Variants in STIMATE observed in about 807,000 individuals in gnomAD.
STIMATE encodes store-operated calcium entry regulator STIMATE.
Under a neutral mutation model 36.7 loss-of-function variants are expected in STIMATE, and 15 were observed. The ratio of observed to expected loss-of-function variants is 0.41; its 90% CI spans 0.27 to 0.63. STIMATE has a LOEUF of 0.63. Among genes scored for constraint, STIMATE ranks in the 20% least tolerant of loss-of-function variants. The probability of loss-of-function intolerance (pLI) is 0.32; values close to 1 mark genes in which losing one functional copy is unlikely to be tolerated. For missense variants in STIMATE, 305 were observed against 397.3 expected (o/e 0.77, Z 1.98); for synonymous variants, 163 against 162.3 (o/e 1.00, Z -0.03).
chr3:52,844,705 G>C (rs7650966), intron 5 of STIMATE, 124 bp downstream of exon 5: 1,073,092 of 1,098,750 alleles, frequency 0.98, 527,967 homozygotes, highest in East Asian at 1. Context: ...CAGACCAAAT[G>C]CAGGACACAT....
At chr3:52,846,404 T>C (rs4687670) in intron 4 of STIMATE, 135,536 of 152,262 alleles carry the variant, frequency 0.89, 62,223 homozygotes, top group Non-Finnish European at 1. Flanking sequence ...AACCATTAAG[T>C]AATTAAGTAG....
At chr3:52,880,926 T>G (rs1042774403) in intron 1 of STIMATE, among the ~76,000 whole-genome samples, 43 of 152,278 alleles carry the variant, frequency 2.8e-4, no homozygotes, top group Non-Finnish European at 2.9e-5. Flanking sequence ...CGGTGGCTCA[T>G]GCCTGTAATC....
In STIMATE at chr3:52,838,822, T is replaced by C. The variant is rs1700749897; in HGVS notation, c.*1672A>G. On this transcript the variant is annotated 3_prime_UTR_variant, in exon 8 of 8. Transcript: ENST00000355083. ...GTTCATGCGCCCAATTCGGACCCAA[T>C]GTGCTTAAGTGAAACACGTGCTCAT... 6.6e-6 allele frequency: 1 copy of C among 152,154 alleles called. No individual in the cohort carries two copies. The highest frequency in any genetic ancestry group is 2.1e-4 in the South Asian group (1 of 4,822). The allele number at this position is 152,154 out of a possible 1,614,324, so 9.4% of individuals were successfully genotyped here. A position where few individuals can be genotyped will look rare whatever the true frequency, so the allele number is the denominator to read the frequency against.
chr3:52,895,098 C>A (rs1701844756), intron 1 of STIMATE, among the ~76,000 whole-genome samples: 1 of 152,238 alleles, frequency 6.6e-6, no homozygotes. Context: ...CAGGACAAAG[C>A]CAAATGGCTC....
At chr3:52,884,149 A>G (rs758550608) in intron 1 of STIMATE, among the ~76,000 whole-genome samples, 3 of 152,106 alleles carry the variant, frequency 2.0e-5, no homozygotes, top group Non-Finnish European at 4.4e-5. Flanking sequence ...ACAAAAATGC[A>G]CTTATATTAT....
At chr3:52,843,636 G>GAGC in intron 6 of STIMATE, 85 bp downstream of exon 6, 1 of 1,585,658 alleles carries the variant, frequency 6.3e-7, no homozygotes, top group South Asian at 1.1e-5. Flanking sequence ...GGCTACAGGT[G>GAGC]AGCTTTCTGT....
intron 1 of STIMATE, among the ~76,000 whole-genome samples, chr3:52,890,966 A>G (rs376727467): frequency 2.0e-5 from 3 of 152,180 alleles, no homozygotes; most frequent in African/African-American, 7.2e-5. Context: ...ATCTTCACAA[A>G]GGCCCAGAAA....
chr3:52,845,072 C>T (rs540904757), intron 4 of STIMATE, 131 bp from the exon 5 acceptor site: 3 of 738,976 alleles, frequency 4.1e-6, no homozygotes, highest in East Asian at 2.9e-5. Flanking sequence ...ATGAGCCCCC[C>T]CAAAAGTCCA....
rs1006237523 is a variant in STIMATE at position 52,839,554 on chromosome 3, G to C, written c.*940C>G. On this transcript the variant is annotated 3_prime_UTR_variant, in exon 8 of 8. Coordinates refer to ENST00000355083, the MANE Select transcript of STIMATE (RefSeq NM_198563.5). The stretch of plus-strand genomic sequence containing the variant: ...TGCCAGCAGGAATGCTAGAGCTCAT[G>C]GGCCCTGGGCAGAGCCTTTCCTGTT... The C allele has an allele frequency of 6.6e-6, 1 of 152,146 alleles. No individual in the cohort carries two copies. Among genetic ancestry groups the C allele is most frequent in the Non-Finnish European group, 1.5e-5 (1 of 68,030 alleles). The allele number at this position is 152,146 out of a possible 1,614,324, so 9.4% of individuals were successfully genotyped here.
In STIMATE at chr3:52,837,297, CTACAGGCT is replaced by C. The variant is rs1288056664; in HGVS notation, c.*3189_*3196del. On this transcript the variant is annotated 3_prime_UTR_variant, in exon 8 of 8. Transcript: ENST00000355083. Reference sequence around the variant, plus strand: ...TTGGACATAAACTTGGGGCTGCACCCTACAGGCTTACACTGTCTAAGGGAAGTCACAGC... The same window carrying C: ...TTGGACATAAACTTGGGGCTGCACCCTACACTGTCTAAGGGAAGTCACAGC... 6.6e-6 allele frequency: 1 copy of C among 152,464 alleles called. No individual in the cohort carries two copies. Among genetic ancestry groups the C allele is most frequent in the Non-Finnish European group, 1.5e-5 (1 of 68,224 alleles). The allele number at this position is 152,464 out of a possible 1,614,324, so 9.4% of individuals were successfully genotyped here.
At position 52,843,937 on chromosome 3, in the gene STIMATE, T is replaced by C. The variant is rs1051646506; in HGVS notation, c.541-139A>G. 6 of 1,108,522 alleles carry C rather than the reference T, an allele frequency of 5.4e-6. No individual in the cohort carries two copies. The African/African-American group carries it at 6.3e-5, about 12-fold the overall frequency. 68.7% of individuals were successfully genotyped at this position (1,108,522 alleles called of 1,614,324 possible). A position where few individuals can be genotyped will look rare whatever the true frequency, so the allele number is the denominator to read the frequency against. ...AAAGCCCAATGGGAGCAGCACCTCATGCCTAGGGTTCCCAGATGAGACTGT... is the reference window on the plus strand; with the variant it reads ...AAAGCCCAATGGGAGCAGCACCTCACGCCTAGGGTTCCCAGATGAGACTGT... On this transcript the variant is annotated intron_variant, in intron 5 of 7. Transcript: ENST00000355083.
rs1468433939 is a variant in STIMATE at position 52,883,512 on chromosome 3, C to T, written c.160+13779G>A. ...TCATCAACTTTGGAAAATGTTCAGT[C>T]ATTATTTCTTCTAACATTTTTCTGC... On this transcript the variant is annotated intron_variant, in intron 1 of 7. Coordinates refer to ENST00000355083, the MANE Select transcript of STIMATE (RefSeq NM_198563.5). Among the ~76,000 whole-genome samples the T allele has an allele frequency of 2.0e-5, 3 of 152,126 alleles. No individual in the cohort carries two copies. The South Asian group carries it at 6.2e-4, about 32-fold the overall frequency.
chr3:52,891,231 G>A (rs928837691), intron 1 of STIMATE, among the ~76,000 whole-genome samples: 1 of 152,188 alleles, frequency 6.6e-6, no homozygotes, highest in African/African-American at 2.4e-5. Context: ...CAGAGGAAGT[G>A]GCTCAGGGTG....
At chr3:52,872,579 G>A (rs1210793592) in intron 1 of STIMATE, among the ~76,000 whole-genome samples, 1 of 152,160 alleles carries the variant, frequency 6.6e-6, no homozygotes, top group Non-Finnish European at 1.5e-5. Context: ...GAACTGGCTC[G>A]GCAAAGACTC....
intron 6 of STIMATE, 36 bp downstream of exon 6, chr3:52,843,685 G>C (rs899896805): frequency 6.2e-7 from 1 of 1,614,058 alleles, no homozygotes; most frequent in East Asian, 2.2e-5. Flanking sequence ...GCCAGACAGG[G>C]AGCAAATCGG....
chr3:52,849,395 C>A (rs887360665), intron 4 of STIMATE, among the ~76,000 whole-genome samples: 1 of 152,164 alleles, frequency 6.6e-6, no homozygotes, highest in Non-Finnish European at 1.5e-5. Context: ...TGAACACCTT[C>A]GAAAAATGAG....
intron 1 of STIMATE, among the ~76,000 whole-genome samples, chr3:52,859,847 A>G (rs934533936): frequency 1.3e-5 from 2 of 152,066 alleles, no homozygotes; most frequent in African/African-American, 4.8e-5. Flanking sequence ...AATCAGCGTG[A>G]CCTACAGCTG....
In STIMATE at chr3:52,856,235, G is replaced by A. The variant is rs145739905; in HGVS notation, c.161-791C>T. Among the ~76,000 whole-genome samples the A allele has an allele frequency of 9.8e-4, 149 of 152,302 alleles. 1 individual carries two copies. Among genetic ancestry groups the A allele is most frequent in the South Asian group, 5.8e-3 (28 of 4,828 alleles). Reference sequence around the variant, plus strand: ...TAACAAGAGAACCTCCTGGAGGAGCGGCAGGTAGCAGGGTGACAAATTGAG... The same window carrying A: ...TAACAAGAGAACCTCCTGGAGGAGCAGCAGGTAGCAGGGTGACAAATTGAG... On this transcript the variant is annotated intron_variant, in intron 1 of 7. Transcript: ENST00000355083.
Position 52,842,869 on chromosome 3 carries a change from C to A in STIMATE, c.710G>T (p.Arg237Met). The A allele has an allele frequency of 6.2e-7, 1 of 1,614,274 alleles. No homozygotes were observed. Among genetic ancestry groups the A allele is most frequent in the Non-Finnish European group, 8.5e-7 (1 of 1,180,050 alleles). Residue 237 changes from arginine (R) to methionine (M), a missense_variant, in exon 7 of 8, where the codon AGG becomes ATG. Arg to Met is a moderately conservative substitution (Grantham distance 91). Around this residue, in one of 3 missense-constraint regions of STIMATE, gnomAD observed 84 missense variants for 82.4 expected, o/e 1.02. Coordinates refer to ENST00000355083, the MANE Select transcript of STIMATE (RefSeq NM_198563.5). Reference protein sequence around the residue: ...LEERGANQDSRNGSKVRYRRA... With the variant: ...LEERGANQDSMNGSKVRYRRA... ...CCGGTAGCGGACCTTGCTCCCATTC[C>A]TCGAGTCCTGGTTGGCTCCCCTTTC...
Sources: gnomAD v4.1 joint callset for allele counts (sites outside exome capture counted in the v4.1 genomes callset) on GRCh38, gnomAD v4.1.1 for gene constraint, gnomAD v4.1.1 regional missense constraint, MANE v1.5 for transcripts, NCBI Gene and HGNC (gene_info 2026-07-23, HGNC 2026-07-21) for gene names.